Variants in CSMD1 observed in about 807,000 individuals in gnomAD.
The protein encoded by CSMD1 is CUB and Sushi multiple domains 1.
CSMD1 carries 213 observed loss-of-function variants against 417.5 expected under a neutral mutation model. The ratio of observed to expected loss-of-function variants is 0.51; its 90% confidence interval spans 0.46 to 0.57. The LOEUF (loss-of-function observed/expected upper bound fraction) is 0.57. Among genes scored for constraint, CSMD1 ranks in the 20% least tolerant of loss-of-function variants. The pLI is 0.00. For synonymous variants in CSMD1, 2,862 were observed against 1,736.8 expected (o/e 1.65, Z -16.11); for missense variants, 6,923 against 4,529.7 (o/e 1.53, Z -15.17).
intron 2 of CSMD1, among the ~76,000 whole-genome samples, chr8:4,436,759 T>G (rs1312461431): frequency 1.3e-5 from 2 of 152,198 alleles, no homozygotes; most frequent in Non-Finnish European, 2.9e-5. Flanking sequence ...CACAAATAAG[T>G]GATCATGTGA....
intron 2 of CSMD1, among the ~76,000 whole-genome samples, chr8:4,533,593 G>C (rs951290777): frequency 1.3e-5 from 2 of 152,046 alleles, no homozygotes; most frequent in African/African-American, 2.4e-5. Flanking sequence ...AATCCGAGAA[G>C]AGGATGTTAA....
At chr8:4,856,290 G>A (rs1459537124) in intron 1 of CSMD1, among the ~76,000 whole-genome samples, 4 of 143,686 alleles carry the variant, frequency 2.8e-5, no homozygotes, top group East Asian at 4.2e-4. Flanking sequence ...ATGAACAAAC[G>A]GTACCAGCTG....
chr8:4,561,179 G>A (rs1287273735), intron 2 of CSMD1, among the ~76,000 whole-genome samples: 1 of 152,138 alleles, frequency 6.6e-6, no homozygotes, highest in Admixed American at 6.5e-5. Context: ...AGACCATCCT[G>A]GCCAACCTGG....
chr8:4,291,427 A>G (rs184758612), intron 3 of CSMD1, among the ~76,000 whole-genome samples: 18 of 152,254 alleles, frequency 1.2e-4, no homozygotes, highest in African/African-American at 4.3e-4. Context: ...CAACCTCCAA[A>G]GCATGGTAGA....
At chr8:3,802,116 A>C (rs925642016) in intron 5 of CSMD1, among the ~76,000 whole-genome samples, 9 of 152,194 alleles carry the variant, frequency 5.9e-5, no homozygotes, top group African/African-American at 2.2e-4. Context: ...TTGTTTTAAA[A>C]AGGTAAAATA....
At chr8:4,532,102 G>T (rs980369372) in intron 2 of CSMD1, among the ~76,000 whole-genome samples, 2 of 143,076 alleles carry the variant, frequency 1.4e-5, no homozygotes, top group Non-Finnish European at 3.0e-5. Flanking sequence ...GAGAAATCCT[G>T]CACCGCCATT....
intron 3 of CSMD1, among the ~76,000 whole-genome samples, chr8:4,336,219 C>T (rs1181389307): frequency 6.6e-6 from 1 of 152,162 alleles, no homozygotes; most frequent in Non-Finnish European, 1.5e-5. Flanking sequence ...AGTATGAATG[C>T]ACCTGTAGGT....
chr8:3,782,041 T>C (rs1799213288), intron 5 of CSMD1, among the ~76,000 whole-genome samples: 1 of 152,218 alleles, frequency 6.6e-6, no homozygotes, highest in South Asian at 2.1e-4. Flanking sequence ...CTCTCTATTA[T>C]TATTCTGTCC....
At chr8:4,734,490 A>T (rs1214827618) in intron 1 of CSMD1, among the ~76,000 whole-genome samples, 2 of 152,190 alleles carry the variant, frequency 1.3e-5, no homozygotes, top group African/African-American at 2.4e-5. Flanking sequence ...AGAAGCTCTA[A>T]GATTTTTTTA....
At chr8:2,986,122 G>A (rs779991766) in intron 54 of CSMD1, among the ~76,000 whole-genome samples, 8 of 152,154 alleles carry the variant, frequency 5.3e-5, no homozygotes, top group East Asian at 1.9e-4. Context: ...GCTTTTAGGT[G>A]TGATAAAAGA....
At chr8:3,611,449 G>A (rs1017221323) in intron 8 of CSMD1, among the ~76,000 whole-genome samples, 5 of 152,124 alleles carry the variant, frequency 3.3e-5, no homozygotes, top group East Asian at 1.9e-4. Flanking sequence ...TTTAAAGAAC[G>A]ATAGACCAAC....
In CSMD1 at chr8:2,994,487, CA is replaced by C. The variant is rs368644847; in HGVS notation, c.8377+3523del. 1.2e-3 allele frequency among the ~76,000 whole-genome samples: 184 copies of C among 152,298 alleles called. 2 individuals are homozygous for C. Among genetic ancestry groups the C allele is most frequent in the Admixed American group, 5.1e-3 (78 of 15,294 alleles). On this transcript the variant is annotated intron_variant, in intron 54 of 69. Coordinates refer to ENST00000635120, the MANE Select transcript of CSMD1 (RefSeq NM_033225.6). ...AGTGGAAAGTTCCCAAAATGAGCAC[CA>C]GTTCCCCACACGCCATCGTGCCCAC...
At chr8:3,614,250 G>C (rs775375227) in intron 8 of CSMD1, among the ~76,000 whole-genome samples, 1 of 152,046 alleles carries the variant, frequency 6.6e-6, no homozygotes. Flanking sequence ...GAAAGTGACA[G>C]ATTGAAATTC....
chr8:3,026,299 A>T (rs1809874455), intron 51 of CSMD1, among the ~76,000 whole-genome samples: 1 of 152,196 alleles, frequency 6.6e-6, no homozygotes, highest in Non-Finnish European at 1.5e-5. Flanking sequence ...TCTGCCCAGG[A>T]GCCAGGTTTG....
intron 28 of CSMD1, among the ~76,000 whole-genome samples, chr8:3,221,414 A>C (rs1360800579): frequency 6.6e-6 from 1 of 152,192 alleles, no homozygotes; most frequent in African/African-American, 2.4e-5. Context: ...AATTGTATTT[A>C]GAGTATTGGC....
At chr8:3,436,476 T>C (rs552140128) in intron 12 of CSMD1, among the ~76,000 whole-genome samples, 3 of 152,204 alleles carry the variant, frequency 2.0e-5, no homozygotes, top group African/African-American at 7.2e-5. Context: ...TGGCACACAA[T>C]ATTCAGTGAA....
intron 10 of CSMD1, among the ~76,000 whole-genome samples, chr8:3,532,205 G>A (rs544298759): frequency 2.8e-4 from 43 of 152,198 alleles, no homozygotes; most frequent in South Asian, 6.2e-4. Flanking sequence ...TAGTATGTCC[G>A]TGTCCTTGAT....
chr8:3,798,455 A>G (rs1800280028), intron 5 of CSMD1, among the ~76,000 whole-genome samples: 1 of 152,078 alleles, frequency 6.6e-6, no homozygotes, highest in Non-Finnish European at 1.5e-5. Context: ...TTTTGATTTC[A>G]GGAACCACTT....
At chr8:4,355,061 G>A (rs1406926059) in intron 3 of CSMD1, among the ~76,000 whole-genome samples, 1 of 151,874 alleles carries the variant, frequency 6.6e-6, no homozygotes. Context: ...AGGAGATCGA[G>A]ACCATCCTGG....
Sources: gnomAD v4.1 joint callset for allele counts (sites outside exome capture counted in the v4.1 genomes callset) on GRCh38, gnomAD v4.1.1 for gene constraint, MANE v1.5 for transcripts, NCBI Gene and HGNC (gene_info 2026-07-23, HGNC 2026-07-21) for gene names.